The following FRMD6 variants were observed in gnomAD, a reference collection of about 807,000 sequenced individuals.
FRMD6 encodes FERM domain-containing protein 6.
In FRMD6, 37 loss-of-function variants were observed where a neutral mutation model predicts 73.2. The observed-to-expected ratio is 0.51, with a 90% CI of 0.39 to 0.66. The LOEUF is 0.66. Ranked by LOEUF, FRMD6 falls within the 30% of genes least tolerant of loss-of-function variation. The probability of loss-of-function intolerance (pLI) is 0.00; values close to 1 mark genes in which losing one functional copy is unlikely to be tolerated. For synonymous variants in FRMD6, 273 were observed against 282.2 expected, an observed-to-expected ratio of 0.97 and a Z score of 0.33; for missense variants, 714 against 780.5, an observed-to-expected ratio of 0.91 and a Z score of 1.02.
intron 4 of FRMD6, 48 bp from the exon 5 acceptor site, chr14:51,702,464 C>A: frequency 6.6e-7 from 1 of 1,521,526 alleles, no homozygotes; most frequent in South Asian, 1.2e-5. Flanking sequence ...AACCCATTTT[C>A]AAAGTAACTA....
At chr14:51,509,123 G>A (rs1416686442) in intron 1 of FRMD6, among the ~76,000 whole-genome samples, 1 of 152,142 alleles carries the variant, frequency 6.6e-6, no homozygotes, top group African/African-American at 2.4e-5. Context: ...CCTGAGGGGT[G>A]GTTTACAAGA....
chr14:51,499,291 A>G (rs1300877645), intron 1 of FRMD6, among the ~76,000 whole-genome samples: 2 of 152,212 alleles, frequency 1.3e-5, no homozygotes, highest in African/African-American at 4.8e-5. Context: ...CTGGCCTTTC[A>G]TTAATATACA....
At chr14:51,500,632 T>G (rs1236238664) in intron 1 of FRMD6, among the ~76,000 whole-genome samples, 1 of 152,194 alleles carries the variant, frequency 6.6e-6, no homozygotes, top group Admixed American at 6.5e-5. Context: ...TTTAGATTAG[T>G]TTTTGTATGT....
intron 1 of FRMD6, among the ~76,000 whole-genome samples, chr14:51,492,024 C>T (rs2140170911): frequency 6.6e-6 from 1 of 152,306 alleles, no homozygotes; most frequent in South Asian, 2.1e-4. Flanking sequence ...AAGGGCTGTG[C>T]ATCTTGTTCT....
At chr14:51,523,641 G>C (rs1010175615) in intron 1 of FRMD6, among the ~76,000 whole-genome samples, 1 of 152,148 alleles carries the variant, frequency 6.6e-6, no homozygotes, top group Non-Finnish European at 1.5e-5. Context: ...TGTAGAATAG[G>C]ATGGTGACAA....
chr14:51,626,634 TGAA>T (rs1440203051), intron 2 of FRMD6, among the ~76,000 whole-genome samples: 1 of 152,178 alleles, frequency 6.6e-6, no homozygotes, highest in East Asian at 1.9e-4. Context: ...TGAGCATTTT[TGAA>T]GAATATTTAT....
chr14:51,411,513 C>T, the FRMD6 span, among the ~76,000 whole-genome samples: 3 of 152,166 alleles, frequency 2.0e-5, no homozygotes, highest in Non-Finnish European at 4.4e-5. Context: ...GGAACCTCCC[C>T]CTTACATTGG....
chr14:51,635,490 C>T (rs1347900737), intron 2 of FRMD6, among the ~76,000 whole-genome samples: 1 of 152,194 alleles, frequency 6.6e-6, no homozygotes, highest in Non-Finnish European at 1.5e-5. Flanking sequence ...CAAACACAAT[C>T]TTCAGCATAT....
intron 1 of FRMD6, among the ~76,000 whole-genome samples, chr14:51,567,960 G>A (rs1014961958): frequency 1.3e-5 from 2 of 152,204 alleles, no homozygotes; most frequent in African/African-American, 4.8e-5. Flanking sequence ...CAAATACGTA[G>A]TTATACTAGG....
At chr14:51,408,858 G>T in the FRMD6 span, among the ~76,000 whole-genome samples, 1 of 151,932 alleles carries the variant, frequency 6.6e-6, no homozygotes, top group African/African-American at 2.4e-5. Flanking sequence ...GCAATTTTTT[G>T]CACAAGGATC....
At chr14:51,399,406 T>C in the FRMD6 span, among the ~76,000 whole-genome samples, 3 of 152,240 alleles carry the variant, frequency 2.0e-5, no homozygotes, top group African/African-American at 4.8e-5. Context: ...ACCATCTGAA[T>C]GTGCCCCATT....
At chr14:51,610,477 T>G (rs537580447) in intron 2 of FRMD6, among the ~76,000 whole-genome samples, 47 of 152,192 alleles carry the variant, frequency 3.1e-4, no homozygotes, top group Middle Eastern at 3.4e-3. Flanking sequence ...AAATATATTT[T>G]AAATAAAAAC....
At chr14:51,415,614 C>G in the FRMD6 span, among the ~76,000 whole-genome samples, 1 of 152,064 alleles carries the variant, frequency 6.6e-6, no homozygotes, top group Non-Finnish European at 1.5e-5. Context: ...CTAAAATTCT[C>G]TTTTTTTGTT....
At chr14:51,705,698 C>G (rs1257682200) in intron 6 of FRMD6, among the ~76,000 whole-genome samples, 18 of 152,114 alleles carry the variant, frequency 1.2e-4, no homozygotes, top group Non-Finnish European at 1.2e-4. Flanking sequence ...TTACTTCCCA[C>G]AAGTGTTCCT....
intron 1 of FRMD6, among the ~76,000 whole-genome samples, chr14:51,547,277 A>G (rs1277371529): frequency 2.0e-5 from 3 of 152,220 alleles, no homozygotes; most frequent in Non-Finnish European, 2.9e-5. Flanking sequence ...AACCATTGAC[A>G]AGTTACATAA....
At chr14:51,507,083 GACAC>G (rs200052672) in intron 1 of FRMD6, among the ~76,000 whole-genome samples, 9,242 of 138,812 alleles carry the variant, frequency 0.067, 316 homozygotes, top group East Asian at 0.1. Context: ...TGGTTGTATA[GACAC>G]ACACACACAC....
intron 7 of FRMD6, 50 bp downstream of exon 7, chr14:51,708,283 C>A: frequency 6.5e-7 from 1 of 1,539,080 alleles, no homozygotes; most frequent in South Asian, 1.2e-5. Flanking sequence ...AACATCTTCT[C>A]AATAGGATTG....
chr14:51,706,881 T>TA (rs1257781251), intron 6 of FRMD6, among the ~76,000 whole-genome samples: 1 of 152,176 alleles, frequency 6.6e-6, no homozygotes, highest in Non-Finnish European at 1.5e-5. Context: ...TTGTGTGACT[T>TA]AGAGTGCTTC....
chr14:51,610,326 T>TC (rs1219217799), intron 2 of FRMD6, among the ~76,000 whole-genome samples: 5 of 96,410 alleles, frequency 5.2e-5, no homozygotes, highest in African/African-American at 1.7e-4. Context: ...CTTTTTTTAA[T>TC]CCCTTTTTTT....
Sources: gnomAD v4.1 joint callset for allele counts (sites outside exome capture counted in the v4.1 genomes callset) on GRCh38, gnomAD v4.1.1 for gene constraint, MANE v1.5 for transcripts, NCBI Gene and HGNC (gene_info 2026-07-23, HGNC 2026-07-21) for gene names.